FGF2: variants seen among roughly 807,000 people sequenced by gnomAD.
The protein encoded by FGF2 is basic fibroblast growth factor bFGF.
A neutral mutation model predicts 15.9 loss-of-function variants in FGF2; 13 were observed. That is an observed-to-expected ratio of 0.82 (90% confidence interval 0.53 to 1.30). The LOEUF (loss-of-function observed/expected upper bound fraction) is 1.30, where lower values mean the gene tolerates loss of function less well. Among genes scored for constraint, FGF2 ranks in the 50% most tolerant of loss-of-function variants. FGF2 has a pLI of 0.00. For synonymous variants in FGF2, 90 were observed against 78.4 expected (o/e 1.15, Z -0.78); for missense variants, 163 against 196.9 (o/e 0.83, Z 1.03).
chr4:122,848,279 A>G (rs1208084693), intron 1 of FGF2, among the ~76,000 whole-genome samples: 2 of 152,228 alleles, frequency 1.3e-5, no homozygotes, highest in Non-Finnish European at 2.9e-5. Flanking sequence ...CCAGGGGCAC[A>G]TGGAGTCCAG....
At chr4:122,833,177 G>A (rs1725797946) in intron 1 of FGF2, among the ~76,000 whole-genome samples, 1 of 150,568 alleles carries the variant, frequency 6.6e-6, no homozygotes, top group Non-Finnish European at 1.5e-5. Flanking sequence ...AATGTATAAT[G>A]GATGTGTGTG....
At chr4:122,886,217 A>G (rs4833845) in intron 2 of FGF2, among the ~76,000 whole-genome samples, 137,728 of 152,156 alleles carry the variant, frequency 0.91, 62,599 homozygotes, top group East Asian at 0.96. Context: ...ATTGCACCTG[A>G]CCTGATGTTT....
intron 2 of FGF2, 115 bp downstream of exon 2, chr4:122,876,539 T>A (rs1158635346): frequency 1.3e-6 from 1 of 741,218 alleles, no homozygotes; most frequent in African/African-American, 1.7e-5. Flanking sequence ...ATCGTCATAG[T>A]CACCCTGTAA....
At chr4:122,879,251 A>C (rs4441767) in intron 2 of FGF2, among the ~76,000 whole-genome samples, 138,303 of 152,244 alleles carry the variant, frequency 0.91, 63,043 homozygotes, top group East Asian at 0.96. Context: ...TCTCCCATGA[A>C]AGTGAACCAA....
At chr4:122,892,172 A>G in intron 2 of FGF2, 39 bp from the exon 3 acceptor site, 1 of 1,450,190 alleles carries the variant, frequency 6.9e-7, no homozygotes, top group Non-Finnish European at 9.7e-7. Context: ...AATAATAATA[A>G]TGATAATAAT....
intron 1 of FGF2, among the ~76,000 whole-genome samples, chr4:122,837,813 T>A (rs556018720): frequency 9.2e-5 from 14 of 152,320 alleles, no homozygotes; most frequent in Admixed American, 5.9e-4. Flanking sequence ...TGTTAACTTT[T>A]CATCTAAGCT....
At chr4:122,881,698 A>G (rs1409200508) in intron 2 of FGF2, among the ~76,000 whole-genome samples, 1 of 152,166 alleles carries the variant, frequency 6.6e-6, no homozygotes, top group Middle Eastern at 3.2e-3. Context: ...AAACTTTCCC[A>G]CATTTTCCTG....
intron 1 of FGF2, among the ~76,000 whole-genome samples, chr4:122,868,476 T>C (rs959300996): frequency 6.6e-6 from 1 of 152,246 alleles, no homozygotes; most frequent in Non-Finnish European, 1.5e-5. Flanking sequence ...CTGCATAATA[T>C]TCCACGGTGT....
chr4:122,853,726 G>T (rs17006214), intron 1 of FGF2, among the ~76,000 whole-genome samples: 5,434 of 152,294 alleles, frequency 0.036, 331 homozygotes, highest in African/African-American at 0.12. Flanking sequence ...GGAATGGTGC[G>T]AGGGTGTATA....
intron 2 of FGF2, among the ~76,000 whole-genome samples, chr4:122,886,262 A>G (rs1047069345): frequency 1.3e-5 from 2 of 152,026 alleles, no homozygotes; most frequent in Non-Finnish European, 1.5e-5. Flanking sequence ...AGTGTTTGAG[A>G]GGAAGACTAT....
intron 1 of FGF2, among the ~76,000 whole-genome samples, chr4:122,863,897 A>G (rs975442015): frequency 2.0e-5 from 3 of 152,196 alleles, no homozygotes; most frequent in Non-Finnish European, 2.9e-5. Context: ...AGCTCTGCTC[A>G]TAAGGCCTTT....
At position 122,827,552 on chromosome 4, in the gene FGF2, C is replaced by T. The variant is rs1725669688; in HGVS notation, c.178+200C>T. The stretch of plus-strand genomic sequence containing the variant: ...GGGCTGCGGCGTAGGCCCGGGTGTC[C>T]CCTGGGCTTTGGGGTGTGCCAATTT... On this transcript the variant is annotated intron_variant, in intron 1 of 2. Transcript: ENST00000644866. This position sits in a 1 kb window ranked among gnomAD's most constrained non-coding sequence, Gnocchi z 4.2. Among the ~76,000 whole-genome samples, 1 of 152,104 alleles carries T rather than the reference C, an allele frequency of 6.6e-6. No individual in the cohort carries two copies.
Position 122,827,061 on chromosome 4 carries a change from C to A in FGF2, c.-114C>A. Reference sequence around the variant, plus strand: ...GCTGCCGGGCGGGAGGCTGGGGGGCCGGGGCCGGGGCCGTGCCCCGGAGCG... The same window carrying A: ...GCTGCCGGGCGGGAGGCTGGGGGGCAGGGGCCGGGGCCGTGCCCCGGAGCG... On this transcript the variant is annotated 5_prime_UTR_variant, in exon 1 of 3. Transcript: ENST00000644866. The surrounding 1 kb of genome is among the most constrained non-coding windows in gnomAD (Gnocchi z 4.2). 1 of 1,095,420 alleles carries A rather than the reference C, an allele frequency of 9.1e-7. No individual in the cohort carries two copies. Among genetic ancestry groups the A allele is most frequent in the East Asian group, 5.6e-5 (1 of 17,912 alleles). The allele number at this position is 1,095,420 out of a possible 1,614,324, so 67.9% of individuals were successfully genotyped here.
Position 122,827,275 on chromosome 4 carries a change from G to T in FGF2, c.101G>T (p.Cys34Phe). 1 of 1,612,826 alleles carries T rather than the reference G, an allele frequency of 6.2e-7. No homozygotes were observed. Among genetic ancestry groups the T allele is most frequent in the African/African-American group, 1.3e-5 (1 of 75,026 alleles). ...GHFKDPKRLY[C>F]KNGGFFLRIH... Reference sequence around the variant, plus strand: ...TTCAAGGACCCCAAGCGGCTGTACTGCAAAAACGGGGGCTTCTTCCTGCGC... The same window carrying T: ...TTCAAGGACCCCAAGCGGCTGTACTTCAAAAACGGGGGCTTCTTCCTGCGC... Residue 34 changes from cysteine to phenylalanine, a missense_variant, in exon 1 of 3, where the codon TGC becomes TTC. Physicochemically the swap from Cys to Phe is radical, Grantham distance 205 (BLOSUM62 -2). Transcript: ENST00000644866. The surrounding 1 kb of genome is among the most constrained non-coding windows in gnomAD (Gnocchi z 4.2).
chr4:122,879,313 C>T lies in FGF2; in HGVS notation c.282+2889C>T, dbSNP rs140735273. Among the ~76,000 whole-genome samples the T allele has an allele frequency of 8.9e-4, 136 of 152,280 alleles. 1 individual carries two copies. Among genetic ancestry groups the T allele is most frequent in the African/African-American group, 3.1e-3 (130 of 41,558 alleles). ...TATTAGTGAGAGGAAGATGAGTTTC[C>T]AACCCTCCTGCCCCTTTCACTTTAG... is the stretch of plus-strand genomic sequence containing the variant. On this transcript the variant is annotated intron_variant, in intron 2 of 2. Transcript: ENST00000644866.
chr4:122,827,413 CCCCT>C lies in FGF2; in HGVS notation c.178+64_178+67del. 1 of 1,569,078 alleles carries C rather than the reference CCCCT, an allele frequency of 6.4e-7. No individual in the cohort carries two copies. Among genetic ancestry groups the C allele is most frequent in the Non-Finnish European group, 8.7e-7 (1 of 1,142,892 alleles). ...TTTCGTGGGTTCTCGCCCGCTCTCT[CCCCT>C]CCAGCCTGCACCCTCCTCCCGGATC... On this transcript the variant is annotated intron_variant, in intron 1 of 2. Coordinates refer to ENST00000644866, the MANE Select transcript of FGF2 (RefSeq NM_001361665.2). This position sits in a 1 kb window ranked among gnomAD's most constrained non-coding sequence, Gnocchi z 4.2.
chr4:122,837,774 T>C (rs1274084750), intron 1 of FGF2, among the ~76,000 whole-genome samples: 3 of 152,190 alleles, frequency 2.0e-5, no homozygotes, highest in Non-Finnish European at 2.9e-5. Flanking sequence ...GATGGTATCA[T>C]CTTGCATTTT....
At position 122,881,151 on chromosome 4, in the gene FGF2, G is replaced by A. The variant is rs375265037; in HGVS notation, c.282+4727G>A. 2.7e-4 allele frequency among the ~76,000 whole-genome samples: 41 copies of A among 152,292 alleles called. No individual in the cohort carries two copies. In the South Asian group the frequency reaches 6.6e-3, roughly 25 times the overall value. ...ACTGTACATAGCAGAGGGACCCTGAGCCCAGCTCATGAAACCATTTTTTCC... is the reference window on the plus strand; with the variant it reads ...ACTGTACATAGCAGAGGGACCCTGAACCCAGCTCATGAAACCATTTTTTCC... On this transcript the variant is annotated intron_variant, in intron 2 of 2. Transcript: ENST00000644866.
In FGF2 at chr4:122,896,575, A is replaced by T. The variant is rs1465546045; in HGVS notation, c.*4179A>T. The T allele has an allele frequency of 2.0e-5, 3 of 152,288 alleles. No homozygotes were observed. Among genetic ancestry groups the T allele is most frequent in the Non-Finnish European group, 4.4e-5 (3 of 68,024 alleles). 9.4% of individuals were successfully genotyped at this position (152,288 alleles called of 1,614,324 possible). A position where few individuals can be genotyped will look rare whatever the true frequency, so the allele number is the denominator to read the frequency against. On this transcript the variant is annotated 3_prime_UTR_variant, in exon 3 of 3. Coordinates refer to ENST00000644866, the MANE Select transcript of FGF2 (RefSeq NM_001361665.2). ...CTTTCAGCATTCACACCACTACAAA[A>T]TCATCTTTTATATCAACAGAAGAAT...
Sources: gnomAD v4.1 joint callset for allele counts (sites outside exome capture counted in the v4.1 genomes callset) on GRCh38, gnomAD v4.1.1 for gene constraint, Gnocchi (gnomAD v3.1) non-coding constraint, MANE v1.5 for transcripts, NCBI Gene and HGNC (gene_info 2026-07-23, HGNC 2026-07-21) for gene names.